The following PCCA variants were observed in gnomAD, a reference collection of about 807,000 sequenced individuals.
PCCA encodes the protein propionyl-CoA carboxylase subunit alpha, also known as propionyl-CoA carboxylase alpha chain, mitochondrial.
PCCA carries 74 observed loss-of-function variants against 101.3 expected under a neutral mutation model. That is an observed-to-expected ratio of 0.73 (90% CI 0.61 to 0.89). The LOEUF (loss-of-function observed/expected upper bound fraction) is 0.89. PCCA is among the 40% of genes least tolerant of loss of function. PCCA has a pLI of 0.00. For missense variants in PCCA, 891 were observed against 907.0 expected, an observed-to-expected ratio of 0.98 and a Z score of 0.23; for synonymous variants, 294 against 313.6, an observed-to-expected ratio of 0.94 and a Z score of 0.66.
At chr13:100,288,133 CTTTA>C (rs1459512514) in intron 12 of PCCA, among the ~76,000 whole-genome samples, 1 of 151,974 alleles carries the variant, frequency 6.6e-6, no homozygotes, top group Non-Finnish European at 1.5e-5. Context: ...TAAAAACGAA[CTTTA>C]TTTGTTAGAG....
intron 21 of PCCA, among the ~76,000 whole-genome samples, chr13:100,478,840 T>C (rs952625019): frequency 1.3e-5 from 2 of 152,168 alleles, no homozygotes; most frequent in Non-Finnish European, 2.9e-5. Context: ...AAGGAAAGAA[T>C]GGGGCTCCTC....
In PCCA at chr13:100,394,213, C is replaced by T. The variant is rs146843852; in HGVS notation, c.1746+25639C>T. Among the ~76,000 whole-genome samples, 163 of 152,334 alleles carry T rather than the reference C, an allele frequency of 1.1e-3. No homozygotes were observed. Among genetic ancestry groups the T allele is most frequent in the Non-Finnish European group, 1.8e-3 (124 of 68,024 alleles). On this transcript the variant is annotated intron_variant, in intron 19 of 23. Transcript: ENST00000376285. The surrounding 1 kb of genome is among the most constrained non-coding windows in gnomAD (Gnocchi z 4.3). ...TGTCCGTTTGTTGCAACTGAATTCT[C>T]ATTTCATTCATCCATAACTAGAAAC... is the stretch of plus-strand genomic sequence containing the variant.
chr13:100,522,794 CTG>C, intron 22 of PCCA, among the ~76,000 whole-genome samples: 1 of 152,374 alleles, frequency 6.6e-6, no homozygotes, highest in Admixed American at 6.5e-5. Context: ...CATCCACTCA[CTG>C]TATCACCCCC....
chr13:100,464,671 G>C (rs2082384992), intron 21 of PCCA: 1 of 152,160 alleles, frequency 6.6e-6, no homozygotes, highest in African/African-American at 2.4e-5. Context: ...TTAATGTTTT[G>C]TAAGTGAATA....
chr13:100,279,084 T>C (rs1033840664), intron 12 of PCCA, among the ~76,000 whole-genome samples: 1 of 152,176 alleles, frequency 6.6e-6, no homozygotes, highest in African/African-American at 2.4e-5. Context: ...TGAGAAAATA[T>C]TTCACTAATA....
chr13:100,134,972 G>A (rs990470616), intron 4 of PCCA, among the ~76,000 whole-genome samples: 2 of 149,840 alleles, frequency 1.3e-5, no homozygotes, highest in Non-Finnish European at 3.0e-5. Context: ...AAACTCCTGG[G>A]CTCAAGTGAT....
At chr13:100,265,516 T>G (rs571410622) in intron 10 of PCCA, among the ~76,000 whole-genome samples, 1 of 152,298 alleles carries the variant, frequency 6.6e-6, no homozygotes, top group African/African-American at 2.4e-5. Flanking sequence ...TCTTTGAATT[T>G]CCGTGAAAAG....
At chr13:100,386,868 C>T (rs2076538165) in intron 19 of PCCA, among the ~76,000 whole-genome samples, 1 of 152,186 alleles carries the variant, frequency 6.6e-6, no homozygotes, top group Non-Finnish European at 1.5e-5. Context: ...GGATACATCT[C>T]TTAGATCATA....
chr13:100,375,786 C>T (rs1595658757), intron 19 of PCCA, among the ~76,000 whole-genome samples: 3 of 152,182 alleles, frequency 2.0e-5, no homozygotes, highest in Admixed American at 6.5e-5. Flanking sequence ...CAAATTCACA[C>T]ATAACAATAT....
At chr13:100,186,737 TCAAAAAAAAAA>T (rs1403210361) in intron 6 of PCCA, among the ~76,000 whole-genome samples, 1 of 96,384 alleles carries the variant, frequency 1.0e-5, no homozygotes, top group African/African-American at 4.1e-5. Context: ...AGATTCCATC[TCAAAAAAAAAA>T]CAAAAAAAAA....
intron 4 of PCCA, among the ~76,000 whole-genome samples, chr13:100,129,689 C>T (rs1475786199): frequency 6.6e-6 from 1 of 152,200 alleles, no homozygotes; most frequent in Non-Finnish European, 1.5e-5. Flanking sequence ...GTGGTTCTGC[C>T]TCCCTAGGTC....
chr13:100,408,752 CA>C (rs2077836605), intron 19 of PCCA, among the ~76,000 whole-genome samples: 1 of 152,138 alleles, frequency 6.6e-6, no homozygotes, highest in South Asian at 2.1e-4. Context: ...ATTTCACAAC[CA>C]ACACCTTGCA....
Position 100,486,979 on chromosome 13 carries a change from C to T in PCCA, c.1900-28448C>T, listed in dbSNP as rs538962071. On this transcript the variant is annotated intron_variant, in intron 21 of 23. Transcript: ENST00000376285. ...TTAATCCAGGACTAGTAATAGTTGC[C>T]GAACTTGAGCGGAATTGTCTTCATG... Among the ~76,000 whole-genome samples the T allele has an allele frequency of 5.3e-5, 8 of 152,176 alleles. No homozygotes were observed. The South Asian group carries it at 8.3e-4, about 16-fold the overall frequency.
chr13:100,491,837 T>C, intron 21 of PCCA: 1 of 972,636 alleles, frequency 1.0e-6, no homozygotes. Context: ...CTCTATTTTT[T>C]AAAATAAAAA....
Position 100,425,645 on chromosome 13 carries a change from G to T in PCCA, c.1759G>T (p.Gly587Trp). ...NGSVFSVEVD[G>W]SKLNVTSTWN... is the part of the protein sequence containing the mutation. ...GGTGTCACAACAGGTGGAAGTTGAT[G>T]GGTCGAAACTAAATGTGACCAGCAC... Residue 587 changes from glycine to tryptophan, a missense_variant, in exon 20 of 24, where the codon GGG becomes TGG. Coordinates refer to ENST00000376285, the MANE Select transcript of PCCA (RefSeq NM_000282.4). The T allele has an allele frequency of 6.2e-7, 1 of 1,613,084 alleles. No homozygotes were observed. The highest frequency in any genetic ancestry group is 8.5e-7 in the Non-Finnish European group (1 of 1,179,044).
chr13:100,103,387 C>A (rs966040746), intron 2 of PCCA, among the ~76,000 whole-genome samples: 1 of 151,422 alleles, frequency 6.6e-6, no homozygotes, highest in Admixed American at 6.6e-5. Flanking sequence ...TCTAGGCTCA[C>A]TGCAACCTAC....
At chr13:100,395,778 G>A (rs1304643176) in intron 19 of PCCA, among the ~76,000 whole-genome samples, 1 of 152,158 alleles carries the variant, frequency 6.6e-6, no homozygotes, top group African/African-American at 2.4e-5. Flanking sequence ...ATCTCAGAAG[G>A]CAGAACATTT....
chr13:100,428,796 G>A (rs1211699540), intron 20 of PCCA, among the ~76,000 whole-genome samples: 1 of 152,050 alleles, frequency 6.6e-6, no homozygotes, highest in Non-Finnish European at 1.5e-5. Flanking sequence ...TTAAACCTTT[G>A]TAGTCAGAGA....
At chr13:100,444,423 T>A (rs2080620822) in intron 20 of PCCA, among the ~76,000 whole-genome samples, 1 of 148,236 alleles carries the variant, frequency 6.7e-6, no homozygotes, top group Admixed American at 6.8e-5. Context: ...AGGCTGGTTT[T>A]GAACAACCTT....
Sources: allele counts gnomAD v4.1 joint callset (sites outside exome capture counted in the v4.1 genomes callset), GRCh38; gene constraint gnomAD v4.1.1; non-coding constraint Gnocchi (gnomAD v3.1); transcripts MANE v1.5; gene names NCBI Gene and HGNC (gene_info 2026-07-23, HGNC 2026-07-21).